Variants in KCNIP4 observed in about 807,000 individuals in gnomAD.
The protein encoded by KCNIP4 is Kv channel-interacting protein 4.
Under a neutral mutation model 34.0 loss-of-function variants are expected in KCNIP4, and 12 were observed. The observed-to-expected ratio is 0.35, with a 90% CI of 0.23 to 0.57. KCNIP4 has a LOEUF of 0.57. Among genes scored for constraint, KCNIP4 ranks in the 20% least tolerant of loss-of-function variants. KCNIP4 has a pLI of 0.83. For synonymous variants in KCNIP4, 124 were observed against 102.2 expected (o/e 1.21, Z -1.29); for missense variants, 238 against 311.7 (o/e 0.76, Z 1.78).
At chr4:21,921,296 T>C (rs975471240) in intron 1 of KCNIP4, among the ~76,000 whole-genome samples, 17 of 152,216 alleles carry the variant, frequency 1.1e-4, no homozygotes, top group Non-Finnish European at 2.2e-4. Context: ...CCTTGCTCTA[T>C]CTCTAAATGT....
At chr4:21,094,578 T>C (rs1747301995) in intron 1 of KCNIP4, among the ~76,000 whole-genome samples, 1 of 152,198 alleles carries the variant, frequency 6.6e-6, no homozygotes. Flanking sequence ...ATGAGCCTCG[T>C]CTCCTGATAA....
intron 1 of KCNIP4, among the ~76,000 whole-genome samples, chr4:21,494,712 G>A (rs561269957): frequency 2.0e-5 from 3 of 151,432 alleles, no homozygotes; most frequent in East Asian, 3.9e-4. Context: ...GGTGGAGGTT[G>A]CGGTGAGCCA....
rs1727504304 is a variant in KCNIP4 at position 20,904,376 on chromosome 4, C to A, written c.62-21667G>T. Among the ~76,000 whole-genome samples the A allele has an allele frequency of 1.4e-5, 2 of 145,758 alleles. 1 individual carries two copies. The highest frequency in any genetic ancestry group is 4.3e-4 in the South Asian group (2 of 4,598). Reference sequence around the variant, plus strand: ...AGATATATAGATATATATTTGAAACCCTAGGAAAGTTATATGGGCATAAAA... The same window carrying A: ...AGATATATAGATATATATTTGAAACACTAGGAAAGTTATATGGGCATAAAA... On this transcript the variant is annotated intron_variant, in intron 1 of 8. Coordinates refer to ENST00000382152, the MANE Select transcript of KCNIP4 (RefSeq NM_025221.6).
intron 1 of KCNIP4, among the ~76,000 whole-genome samples, chr4:20,941,744 C>A (rs550684340): frequency 6.6e-6 from 1 of 152,232 alleles, no homozygotes; most frequent in Non-Finnish European, 1.5e-5. Flanking sequence ...ACTGACAAAA[C>A]AGACATGAAT....
chr4:21,942,449 C>A lies in KCNIP4; in HGVS notation c.61+6122G>T, dbSNP rs528540638. On this transcript the variant is annotated intron_variant, in intron 1 of 8. Transcript: ENST00000382152. Reference sequence around the variant, plus strand: ...CACCCAAAGATGACATTGATGACTGCCCTAAATACACAAAAACACTGGGCA... The same window carrying A: ...CACCCAAAGATGACATTGATGACTGACCTAAATACACAAAAACACTGGGCA... Among the ~76,000 whole-genome samples the A allele has an allele frequency of 5.9e-5, 9 of 152,246 alleles. No homozygotes were observed. The East Asian group carries it at 1.2e-3, about 20-fold the overall frequency.
intron 1 of KCNIP4, among the ~76,000 whole-genome samples, chr4:21,753,338 C>T (rs936443426): frequency 1.3e-5 from 2 of 151,124 alleles, no homozygotes; most frequent in Non-Finnish European, 3.0e-5. Flanking sequence ...TAAGTGCTGG[C>T]TATCTTTGGG....
At chr4:21,044,315 T>A (rs1742238836) in intron 1 of KCNIP4, among the ~76,000 whole-genome samples, 1 of 150,200 alleles carries the variant, frequency 6.7e-6, no homozygotes, top group African/African-American at 2.4e-5. Context: ...TCCCCCACAA[T>A]TTTTTTTTTC....
At chr4:21,403,691 C>T (rs1468813875) in intron 1 of KCNIP4, among the ~76,000 whole-genome samples, 1 of 152,126 alleles carries the variant, frequency 6.6e-6, no homozygotes, top group Non-Finnish European at 1.5e-5. Context: ...AAATAATAGA[C>T]AATTATTTCT....
rs187374321 is a variant in KCNIP4 at position 20,812,289 on chromosome 4, G to A, written c.288+38254C>T. ...AAACCTAGAGAAGTGAATGTTGGTG[G>A]GGCAAAGAGAAAGAGAGCAGGAATG... On this transcript the variant is annotated intron_variant, in intron 3 of 8. Transcript: ENST00000382152. Among the ~76,000 whole-genome samples the A allele has an allele frequency of 2.0e-4, 30 of 152,262 alleles. No homozygotes were observed. The East Asian group carries it at 4.8e-3, about 24-fold the overall frequency.
chr4:21,593,600 C>A (rs1477152898), intron 1 of KCNIP4, among the ~76,000 whole-genome samples: 3 of 152,082 alleles, frequency 2.0e-5, no homozygotes, highest in Non-Finnish European at 2.9e-5. Flanking sequence ...AGATTTTGCA[C>A]CAATTTCCAT....
chr4:21,904,882 C>G (rs1445125640), intron 1 of KCNIP4, among the ~76,000 whole-genome samples: 1 of 152,112 alleles, frequency 6.6e-6, no homozygotes, highest in Non-Finnish European at 1.5e-5. Context: ...GGGGAACAAA[C>G]TAAGCCTTCA....
At chr4:21,769,377 T>C (rs1423486275) in intron 1 of KCNIP4, among the ~76,000 whole-genome samples, 1 of 152,156 alleles carries the variant, frequency 6.6e-6, no homozygotes, top group Non-Finnish European at 1.5e-5. Context: ...TTCATGTATG[T>C]TCCAAATACT....
At chr4:21,496,607 C>A (rs544510004) in intron 1 of KCNIP4, among the ~76,000 whole-genome samples, 1 of 152,210 alleles carries the variant, frequency 6.6e-6, no homozygotes, top group East Asian at 1.9e-4. Flanking sequence ...TTTCAGTAGC[C>A]TCCCATTGCC....
chr4:21,833,939 C>T (rs1327484220), intron 1 of KCNIP4, among the ~76,000 whole-genome samples: 1 of 151,860 alleles, frequency 6.6e-6, no homozygotes, highest in Non-Finnish European at 1.5e-5. Flanking sequence ...CTGTTCTGTT[C>T]CATTGATCTA....
At chr4:21,733,052 A>G (rs561394377) in intron 1 of KCNIP4, among the ~76,000 whole-genome samples, 1 of 152,334 alleles carries the variant, frequency 6.6e-6, no homozygotes, top group South Asian at 2.1e-4. Context: ...ACTCTCCCCA[A>G]GTAGAAAAGT....
intron 1 of KCNIP4, among the ~76,000 whole-genome samples, chr4:21,811,531 A>C (rs572375407): frequency 6.6e-6 from 1 of 152,318 alleles, no homozygotes; most frequent in African/African-American, 2.4e-5. Flanking sequence ...GCAAAACTCA[A>C]GCGAAGTGGG....
intron 1 of KCNIP4, among the ~76,000 whole-genome samples, chr4:21,693,472 G>A (rs1157816771): frequency 6.6e-6 from 1 of 152,018 alleles, no homozygotes; most frequent in East Asian, 1.9e-4. Context: ...GAGGCAGAGA[G>A]AATTGATTAA....
At chr4:21,113,452 GTT>G (rs763234565) in intron 1 of KCNIP4, among the ~76,000 whole-genome samples, 31,216 of 98,550 alleles carry the variant, frequency 0.32, 4,820 homozygotes, top group African/African-American at 0.46. Context: ...CTATCTATAA[GTT>G]TAAAAAAAAA....
intron 1 of KCNIP4, among the ~76,000 whole-genome samples, chr4:20,911,907 T>C (rs1429120625): frequency 6.6e-6 from 1 of 152,228 alleles, no homozygotes; most frequent in Non-Finnish European, 1.5e-5. Flanking sequence ...CAAATAATTG[T>C]CCATGTGGAT....
Sources: gnomAD v4.1 joint callset for allele counts (sites outside exome capture counted in the v4.1 genomes callset) on GRCh38, gnomAD v4.1.1 for gene constraint, MANE v1.5 for transcripts, NCBI Gene and HGNC (gene_info 2026-07-23, HGNC 2026-07-21) for gene names.